The following KLHL22 variants were observed in gnomAD, a reference collection of about 807,000 sequenced individuals.
The protein encoded by KLHL22 is kelch like family member 22.
Under a neutral mutation model 60.7 loss-of-function variants are expected in KLHL22, and 18 were observed. The observed-to-expected ratio is 0.30, with a 90% CI of 0.20 to 0.44. KLHL22 has a LOEUF of 0.44. Among genes scored for constraint, KLHL22 ranks in the 20% least tolerant of loss-of-function variants. The pLI is 1.00. For synonymous variants in KLHL22, 355 were observed against 354.5 expected (o/e 1.00, Z -0.01); for missense variants, 596 against 852.3 (o/e 0.70, Z 3.74).
At chr22:20,490,296 A>G (rs1479956734) in intron 1 of KLHL22, among the ~76,000 whole-genome samples, 1 of 152,194 alleles carries the variant, frequency 6.6e-6, no homozygotes, top group Non-Finnish European at 1.5e-5. Flanking sequence ...CGCTGGAGGC[A>G]ATTTCCTCAG....
chr22:20,492,715 C>T (rs2053710846), intron 1 of KLHL22, among the ~76,000 whole-genome samples: 2 of 152,000 alleles, frequency 1.3e-5, no homozygotes, highest in Admixed American at 6.6e-5. Context: ...TCAGCCTCCC[C>T]AGTAGCTGGG....
intron 2 of KLHL22, among the ~76,000 whole-genome samples, chr22:20,474,591 CA>C (rs2053380120): frequency 6.6e-6 from 1 of 151,896 alleles, no homozygotes; most frequent in Admixed American, 6.6e-5. Context: ...GGGGTTTCAC[CA>C]CGTTGGCCAG....
At chr22:20,461,087 C>T (rs1435661266) in intron 4 of KLHL22, among the ~76,000 whole-genome samples, 2 of 152,204 alleles carry the variant, frequency 1.3e-5, no homozygotes, top group Non-Finnish European at 2.9e-5. Context: ...TTCCCAGTAT[C>T]CAGACAGTGA....
chr22:20,476,369 G>A (rs1012417528), intron 2 of KLHL22, among the ~76,000 whole-genome samples: 1 of 149,968 alleles, frequency 6.7e-6, no homozygotes, highest in East Asian at 2.1e-4. Context: ...AGCACTGCCC[G>A]CCCTGAGCAG....
chr22:20,465,570 C>A lies in KLHL22; in HGVS notation c.400G>T (p.Glu134Ter). The A allele has an allele frequency of 6.8e-7, 1 of 1,479,236 alleles. No homozygotes were observed. The highest frequency in any genetic ancestry group is 9.5e-7 in the Non-Finnish European group (1 of 1,057,212). 91.6% of individuals were successfully genotyped at this position (1,479,236 alleles called of 1,614,324 possible). ...AAATCACAGCAGAAATGGATAATTT[C>A]TGGGATCTGCAGAGAGAATGACACC... ...LVAACQLQIPEIIHFCCDFLM... is the reference protein window; with the variant it reads ...LVAACQLQIP Residue 134 changes from glutamate (E) to a stop codon, truncating the protein, a stop_gained, in exon 4 of 7, where the codon GAA (glutamate) becomes TAA (stop). Transcript: ENST00000328879. LOFTEE classifies it high-confidence loss of function. This position sits in a 1 kb window ranked among gnomAD's most constrained non-coding sequence, Gnocchi z 4.9.
chr22:20,477,258 G>A (rs1179129301), intron 2 of KLHL22, among the ~76,000 whole-genome samples: 1 of 151,918 alleles, frequency 6.6e-6, no homozygotes, highest in Non-Finnish European at 1.5e-5. Flanking sequence ...CTGCATGGTG[G>A]TGCACACCTG....
At chr22:20,488,491 AC>A (rs1242742655) in intron 2 of KLHL22, 4 of 168,026 alleles carry the variant, frequency 2.4e-5, no homozygotes, top group Admixed American at 1.1e-4. Flanking sequence ...AGTGGAAAAG[AC>A]AGATAAGCCA....
chr22:20,463,879 C>T (rs933863295), intron 4 of KLHL22, among the ~76,000 whole-genome samples: 2 of 152,312 alleles, frequency 1.3e-5, no homozygotes, highest in Middle Eastern at 3.4e-3. Flanking sequence ...ATGCTTGATT[C>T]CAAGTGGCAT....
chr22:20,472,444 G>C (rs2053342216), intron 2 of KLHL22, among the ~76,000 whole-genome samples: 1 of 151,836 alleles, frequency 6.6e-6, no homozygotes, highest in African/African-American at 2.4e-5. Context: ...TACAAAAATT[G>C]GCCGGGCGTG....
intron 5 of KLHL22, among the ~76,000 whole-genome samples, chr22:20,455,230 G>A (rs1255589241): frequency 6.6e-6 from 1 of 152,142 alleles, no homozygotes; most frequent in Non-Finnish European, 1.5e-5. Flanking sequence ...CCATCAGCAA[G>A]CCTGATCAGT....
intron 2 of KLHL22, among the ~76,000 whole-genome samples, chr22:20,477,325 A>G (rs1437978775): frequency 6.6e-6 from 1 of 151,898 alleles, no homozygotes; most frequent in Non-Finnish European, 1.5e-5. Flanking sequence ...TGGGAGGCGG[A>G]GGTTGCAGTG....
At chr22:20,476,163 A>G (rs909952417) in intron 2 of KLHL22, among the ~76,000 whole-genome samples, 46 of 152,274 alleles carry the variant, frequency 3.0e-4, no homozygotes, top group Non-Finnish European at 5.9e-4. Flanking sequence ...GATCTGGCAC[A>G]TATTTGTTAC....
At chr22:20,460,622 A>C (rs1407738958) in intron 4 of KLHL22, among the ~76,000 whole-genome samples, 7 of 143,334 alleles carry the variant, frequency 4.9e-5, no homozygotes, top group African/African-American at 1.0e-4. Flanking sequence ...AAAAAAAAAA[A>C]AAAAAAAAAA....
At chr22:20,476,030 T>G (rs1327529319) in intron 2 of KLHL22, among the ~76,000 whole-genome samples, 1 of 152,264 alleles carries the variant, frequency 6.6e-6, no homozygotes, top group East Asian at 1.9e-4. Flanking sequence ...TTTAGGGGGT[T>G]ATGTTAAACA....
At chr22:20,446,320 C>A in intron 6 of KLHL22, 123 bp downstream of exon 6, 1 of 700,382 alleles carries the variant, frequency 1.4e-6, no homozygotes, top group Admixed American at 2.1e-5. Flanking sequence ...TGCTGTGAAC[C>A]TAAAACTGCT....
chr22:20,478,474 G>A (rs888151540), intron 2 of KLHL22, among the ~76,000 whole-genome samples: 4 of 148,796 alleles, frequency 2.7e-5, no homozygotes, highest in African/African-American at 9.9e-5. Context: ...CAAAGTGCTG[G>A]GATTGAGCCA....
In KLHL22 at chr22:20,442,273, C is replaced by G; in HGVS notation, c.1705G>C (p.Glu569Gln). The G allele has an allele frequency of 6.2e-7, 1 of 1,613,922 alleles. No homozygotes were observed. Among genetic ancestry groups the G allele is most frequent in the Non-Finnish European group, 8.5e-7 (1 of 1,179,980 alleles). ...GGCCCTTCCTCCCAGCAGTCCTTCT[C>G]CACATCGTAAATGTGCACGTAGCCT... is the stretch of plus-strand genomic sequence containing the variant. ...RTGYVHIYDV[E>Q]KDCWEEGPQL... The change falls in exon 7 of 7, where the codon GAG becomes CAG. Residue 569 changes from glutamate (E) to glutamine (Q), a missense_variant. Glu to Gln is a conservative substitution (Grantham distance 29, BLOSUM62 2). Coordinates refer to ENST00000328879, the MANE Select transcript of KLHL22 (RefSeq NM_032775.4).
rs1037575557 is a variant in KLHL22, at chr22:20,451,504, C to T, written c.1306-4828G>A. 1.7e-5 allele frequency: 27 copies of T among 1,596,624 alleles called. No individual in the cohort carries two copies. The Middle Eastern group carries it at 9.6e-4, about 57-fold the overall frequency. On this transcript the variant is annotated intron_variant, in intron 5 of 6. Transcript: ENST00000328879. ...TAATGTTACACCAATGGCCACCAAG[C>T]GTTCTGGTGCAGGAGTAGCCCTGCT...
rs748141498 is a variant in KLHL22 at position 20,465,359 on chromosome 22, C to A, written c.611G>T (p.Arg204Leu). The A allele has an allele frequency of 2.5e-6, 4 of 1,614,054 alleles. No homozygotes were observed. The highest frequency in any genetic ancestry group is 1.7e-6 in the Non-Finnish European group (2 of 1,179,982). Residue 204 changes from arginine (R) to leucine (L), a missense_variant, in exon 4 of 7, where the codon CGC (arginine) becomes CTC (leucine). Transcript: ENST00000328879. The surrounding 1 kb of genome is among the most constrained non-coding windows in gnomAD (Gnocchi z 4.9). Reference protein sequence around the residue: ...EKVYSLLSSNRLEVSCETEVY... With the variant: ...EKVYSLLSSNLLEVSCETEVY... ...CTCGGTCTCGCAGGAGACCTCCAGG[C>A]GATTGCTGCTGAGGAGGGAGTAGAC... is the stretch of plus-strand genomic sequence containing the variant.
Sources: gnomAD v4.1 joint callset for allele counts (sites outside exome capture counted in the v4.1 genomes callset) on GRCh38, gnomAD v4.1.1 for gene constraint, Gnocchi (gnomAD v3.1) non-coding constraint, MANE v1.5 for transcripts, NCBI Gene and HGNC (gene_info 2026-07-23, HGNC 2026-07-21) for gene names.